The following GPC5 variants were observed in gnomAD, a reference collection of about 807,000 sequenced individuals.
GPC5 encodes the protein glypican 5, also known as glypican-5.
GPC5 carries 47 observed loss-of-function variants against 53.9 expected under a neutral mutation model. That is an observed-to-expected ratio of 0.87 (90% CI 0.69 to 1.11). The LOEUF is 1.11. Ranked by LOEUF, GPC5 falls within the 50% of genes most tolerant of loss-of-function variation. The pLI, the probability that GPC5 is intolerant of heterozygous loss-of-function variation, is 0.00. For synonymous variants in GPC5, 286 were observed against 263.3 expected, an observed-to-expected ratio of 1.09 and a Z score of -0.84; for missense variants, 748 against 713.1, an observed-to-expected ratio of 1.05 and a Z score of -0.56.
intron 7 of GPC5, among the ~76,000 whole-genome samples, chr13:92,847,380 A>G (rs1382432533): frequency 6.6e-6 from 1 of 152,124 alleles, no homozygotes; most frequent in Non-Finnish European, 1.5e-5. Context: ...TCTCATGTGA[A>G]ATTGTAATCC....
intron 2 of GPC5, among the ~76,000 whole-genome samples, chr13:91,609,191 A>T (rs2033470368): frequency 6.6e-6 from 1 of 150,818 alleles, no homozygotes; most frequent in Non-Finnish European, 1.5e-5. Flanking sequence ...TTAACAGGCC[A>T]TGTAATTCTG....
At chr13:92,606,013 A>C (rs1276638563) in intron 7 of GPC5, among the ~76,000 whole-genome samples, 1 of 152,216 alleles carries the variant, frequency 6.6e-6, no homozygotes, top group Admixed American at 6.5e-5. Flanking sequence ...TATTTTAAGA[A>C]GGTATTAAAC....
At chr13:91,809,879 T>G (rs1441205955) in intron 5 of GPC5, among the ~76,000 whole-genome samples, 2 of 152,070 alleles carry the variant, frequency 1.3e-5, no homozygotes, top group African/African-American at 4.8e-5. Flanking sequence ...GAAGTGGACA[T>G]TAGGAAATAG....
At chr13:91,632,018 GA>G (rs2034169987) in intron 2 of GPC5, among the ~76,000 whole-genome samples, 1 of 152,088 alleles carries the variant, frequency 6.6e-6, no homozygotes. Flanking sequence ...GCACTAGCTA[GA>G]AATAGTAAAG....
intron 2 of GPC5, among the ~76,000 whole-genome samples, chr13:91,583,244 T>C (rs1167890963): frequency 6.6e-6 from 1 of 152,104 alleles, no homozygotes; most frequent in Non-Finnish European, 1.5e-5. Context: ...ATAAAAGGAA[T>C]ATAGTTGGAA....
intron 2 of GPC5, among the ~76,000 whole-genome samples, chr13:91,590,876 T>C (rs1374523501): frequency 6.6e-6 from 1 of 152,204 alleles, no homozygotes; most frequent in Non-Finnish European, 1.5e-5. Flanking sequence ...GAACCTCTCC[T>C]TAAAGTGAGA....
chr13:92,777,600 A>G (rs1875865952), intron 7 of GPC5, among the ~76,000 whole-genome samples: 1 of 152,096 alleles, frequency 6.6e-6, no homozygotes, highest in African/African-American at 2.4e-5. Flanking sequence ...GCCTGGCAAT[A>G]GAGCGAGACT....
At chr13:92,720,346 A>G (rs1456591495) in intron 7 of GPC5, among the ~76,000 whole-genome samples, 1 of 152,202 alleles carries the variant, frequency 6.6e-6, no homozygotes, top group Non-Finnish European at 1.5e-5. Context: ...AGGTTTAAAA[A>G]GGTTTTGAAA....
chr13:92,821,091 C>T (rs1192486627), intron 7 of GPC5, among the ~76,000 whole-genome samples: 2 of 152,140 alleles, frequency 1.3e-5, no homozygotes, highest in East Asian at 3.9e-4. Context: ...TGACACAAAT[C>T]CTGACATTGT....
chr13:92,321,429 T>A (rs2043214858), intron 7 of GPC5, among the ~76,000 whole-genome samples: 1 of 152,090 alleles, frequency 6.6e-6, no homozygotes, highest in Admixed American at 6.6e-5. Context: ...CTGTCTGTAC[T>A]AAAAATACAA....
At chr13:92,628,449 T>C (rs1885129232) in intron 7 of GPC5, among the ~76,000 whole-genome samples, 1 of 151,912 alleles carries the variant, frequency 6.6e-6, no homozygotes, top group African/African-American at 2.4e-5. Flanking sequence ...GCTAGAGCCA[T>C]TAGCTGGGCT....
chr13:91,491,483 A>C (rs1883939964), intron 2 of GPC5, among the ~76,000 whole-genome samples: 1 of 152,330 alleles, frequency 6.6e-6, no homozygotes, highest in East Asian at 1.9e-4. Flanking sequence ...ATAATATTCC[A>C]CTAACCACAT....
At chr13:92,779,557 A>T (rs1003649385) in intron 7 of GPC5, among the ~76,000 whole-genome samples, 1 of 152,078 alleles carries the variant, frequency 6.6e-6, no homozygotes. Flanking sequence ...GGGTCTTTCT[A>T]GGTTGCCCAG....
intron 7 of GPC5, among the ~76,000 whole-genome samples, chr13:92,400,433 T>C (rs1385747435): frequency 6.6e-6 from 1 of 152,336 alleles, no homozygotes; most frequent in East Asian, 1.9e-4. Context: ...TCATTATTTA[T>C]GCTTATCCGT....
intron 7 of GPC5, among the ~76,000 whole-genome samples, chr13:92,467,538 C>G (rs985752228): frequency 6.6e-6 from 1 of 152,074 alleles, no homozygotes; most frequent in African/African-American, 2.4e-5. Context: ...TTTGTGCATT[C>G]TTTAATTCTT....
intron 6 of GPC5, among the ~76,000 whole-genome samples, chr13:91,983,139 A>G (rs1010267225): frequency 1.3e-5 from 2 of 152,022 alleles, no homozygotes; most frequent in Non-Finnish European, 2.9e-5. Context: ...AGGTCAGGAG[A>G]TCGAGACCAT....
intron 7 of GPC5, among the ~76,000 whole-genome samples, chr13:92,757,253 G>T (rs2139334258): frequency 6.6e-6 from 1 of 152,324 alleles, no homozygotes; most frequent in African/African-American, 2.4e-5. Context: ...TTTAATAAAT[G>T]GTGCTGGGAA....
intron 7 of GPC5, among the ~76,000 whole-genome samples, chr13:92,670,233 G>A (rs1886701701): frequency 6.6e-6 from 1 of 152,102 alleles, no homozygotes; most frequent in South Asian, 2.1e-4. Context: ...AGCTAAATTG[G>A]GAGCCAGAAA....
chr13:91,565,988 G>A (rs1250490657), intron 2 of GPC5, among the ~76,000 whole-genome samples: 2 of 152,066 alleles, frequency 1.3e-5, no homozygotes, highest in Non-Finnish European at 2.9e-5. Context: ...CGTTTCCTTT[G>A]TGTTTGTCTT....
Sources: allele counts gnomAD v4.1 joint callset (sites outside exome capture counted in the v4.1 genomes callset), GRCh38; gene constraint gnomAD v4.1.1; transcripts MANE v1.5; gene names NCBI Gene and HGNC (gene_info 2026-07-23, HGNC 2026-07-21).